Variants in SNRK observed in about 807,000 individuals in gnomAD.
SNRK encodes SNF-related serine/threonine-protein kinase.
A neutral mutation model predicts 48.2 loss-of-function variants in SNRK; 3 were observed. That is an observed-to-expected ratio of 0.06 (90% CI 0.03 to 0.16). SNRK has a LOEUF of 0.16. Ranked by LOEUF, SNRK falls within the 10% of genes least tolerant of loss-of-function variation. The probability of loss-of-function intolerance (pLI) is 1.00; values close to 1 mark genes in which losing one functional copy is unlikely to be tolerated. For synonymous variants in SNRK, 376 were observed against 366.1 expected, an observed-to-expected ratio of 1.03 and a Z score of -0.31; for missense variants, 627 against 976.0, an observed-to-expected ratio of 0.64 and a Z score of 4.76.
chr3:43,342,621 TG>T (rs764623218), intron 5 of SNRK, among the ~76,000 whole-genome samples: 1 of 152,196 alleles, frequency 6.6e-6, no homozygotes, highest in Non-Finnish European at 1.5e-5. Flanking sequence ...TTCCTGGCCT[TG>T]TGGAATCCGC....
intron 3 of SNRK, among the ~76,000 whole-genome samples, chr3:43,323,913 CAG>C (rs1251263087): frequency 2.0e-5 from 3 of 152,106 alleles, no homozygotes; most frequent in Non-Finnish European, 4.4e-5. Flanking sequence ...CTGTGGTTGT[CAG>C]GGGCTGGGCT....
chr3:43,293,871 A>G (rs1440412172), intron 1 of SNRK, among the ~76,000 whole-genome samples: 1 of 152,004 alleles, frequency 6.6e-6, no homozygotes, highest in African/African-American at 2.4e-5. Context: ...TTGAGCCAAG[A>G]TTGTGCCACT....
In SNRK at chr3:43,348,824, T is replaced by C. The variant is rs1380380252; in HGVS notation, c.*267T>C. 1 of 322,598 alleles carries C rather than the reference T, an allele frequency of 3.1e-6. No homozygotes were observed. The highest frequency in any genetic ancestry group is 2.1e-5 in the African/African-American group (1 of 46,928). 20.0% of individuals were successfully genotyped at this position (322,598 alleles called of 1,614,324 possible). On this transcript the variant is annotated 3_prime_UTR_variant, in exon 7 of 7. Coordinates refer to ENST00000296088, the MANE Select transcript of SNRK (RefSeq NM_017719.5). Reference sequence around the variant, plus strand: ...GATCAGGATTAAATCAAGATATATATCTGGAACCTCTTATAAATGGAGCAC... The same window carrying C: ...GATCAGGATTAAATCAAGATATATACCTGGAACCTCTTATAAATGGAGCAC...
chr3:43,313,474 TA>T (rs1178783314), intron 3 of SNRK, among the ~76,000 whole-genome samples: 1 of 152,194 alleles, frequency 6.6e-6, no homozygotes, highest in Non-Finnish European at 1.5e-5. Context: ...ATTCCATTTA[TA>T]AAATTCTCTT....
In SNRK at chr3:43,303,521, A is replaced by G; in HGVS notation, c.318A>G (p.Lys106=). 1 of 1,614,148 alleles carries G rather than the reference A, an allele frequency of 6.2e-7. No homozygotes were observed. Among genetic ancestry groups the G allele is most frequent in the East Asian group, 2.2e-5 (1 of 44,890 alleles). The part of the protein sequence containing the change: ...DGGDMFDYIM[K]HEEGLNEDLA... Reference sequence around the variant, plus strand: ...GAGATATGTTTGATTATATAATGAAACATGAGGAGGGTCTTAATGAAGACT... The same window carrying G: ...GAGATATGTTTGATTATATAATGAAGCATGAGGAGGGTCTTAATGAAGACT... The change falls in exon 3 of 7, where the codon AAA becomes AAG. Residue 106 remains lysine (K), a synonymous_variant. Transcript: ENST00000296088. This position sits in a 1 kb window ranked among gnomAD's most constrained non-coding sequence, Gnocchi z 6.2.
chr3:43,324,280 CGGGTG>C (rs1357805099), intron 3 of SNRK, among the ~76,000 whole-genome samples: 2 of 152,080 alleles, frequency 1.3e-5, no homozygotes, highest in African/African-American at 4.8e-5. Flanking sequence ...GAGGCCAAGG[CGGGTG>C]GATCACAAGG....
intron 3 of SNRK, among the ~76,000 whole-genome samples, chr3:43,330,569 G>A (rs542587198): frequency 1.3e-5 from 2 of 152,242 alleles, no homozygotes; most frequent in East Asian, 3.9e-4. Flanking sequence ...GTACTACTTC[G>A]ACTGGGGTTA....
At chr3:43,333,625 C>T (rs753211155) in intron 4 of SNRK, among the ~76,000 whole-genome samples, 2 of 151,992 alleles carry the variant, frequency 1.3e-5, no homozygotes, top group Admixed American at 6.6e-5. Context: ...TGGGGGCATA[C>T]GTTGTCTGCA....
chr3:43,342,388 T>G (rs956433232), intron 5 of SNRK, among the ~76,000 whole-genome samples: 1 of 152,166 alleles, frequency 6.6e-6, no homozygotes, highest in African/African-American at 2.4e-5. Context: ...CCAAGCCAAC[T>G]CCTGTATTTA....
Position 43,348,588 on chromosome 3 carries a change from C to A in SNRK, c.*31C>A, listed in dbSNP as rs764386751. On this transcript the variant is annotated 3_prime_UTR_variant, in exon 7 of 7. Coordinates refer to ENST00000296088, the MANE Select transcript of SNRK (RefSeq NM_017719.5). Reference sequence around the variant, plus strand: ...GCCCCATCTGGCCGCTAGCACGCTTCCTGCTCAGAGCAGTGAAGACCGGCT... The same window carrying A: ...GCCCCATCTGGCCGCTAGCACGCTTACTGCTCAGAGCAGTGAAGACCGGCT... 3.3e-6 allele frequency: 5 copies of A among 1,507,666 alleles called. No homozygotes were observed. The South Asian group carries it at 6.8e-5, about 20-fold the overall frequency. The allele number at this position is 1,507,666 out of a possible 1,614,324, so 93.4% of individuals were successfully genotyped here.
chr3:43,341,583 A>C (rs2091238329), intron 5 of SNRK, among the ~76,000 whole-genome samples: 1 of 152,268 alleles, frequency 6.6e-6, no homozygotes, highest in South Asian at 2.1e-4. Context: ...TCCACAAATT[A>C]AAGGTCAGAA....
rs565754492 is a variant in SNRK, at chr3:43,336,774, C to T, written c.732-3513C>T. The stretch of plus-strand genomic sequence containing the variant: ...GTTTTGGTTTTGGTTTTTTTCGAGA[C>T]GGAGTCTCGCTCTGTTGCCCAGGCC... On this transcript the variant is annotated intron_variant, in intron 4 of 6. Coordinates refer to ENST00000296088, the MANE Select transcript of SNRK (RefSeq NM_017719.5). Among the ~76,000 whole-genome samples the T allele has an allele frequency of 7.9e-5, 9 of 114,372 alleles. No individual in the cohort carries two copies. The East Asian group carries it at 1.0e-3, about 13-fold the overall frequency. The allele number at this position is 114,372 out of a possible 152,430, so 75.0% of individuals were successfully genotyped here. A position where few individuals can be genotyped will look rare whatever the true frequency, so the allele number is the denominator to read the frequency against.
chr3:43,313,381 A>G (rs1159766288), intron 3 of SNRK, among the ~76,000 whole-genome samples: 1 of 152,238 alleles, frequency 6.6e-6, no homozygotes, highest in Non-Finnish European at 1.5e-5. Context: ...CTATGCAGCA[A>G]TAAAAAGGAA....
chr3:43,289,961 C>G (rs967234533), intron 1 of SNRK, among the ~76,000 whole-genome samples: 11 of 152,228 alleles, frequency 7.2e-5, no homozygotes, highest in Non-Finnish European at 1.5e-5. Context: ...AAGATTAGGT[C>G]TATCTGCACA....
chr3:43,313,426 A>AG (rs1284307775), intron 3 of SNRK, among the ~76,000 whole-genome samples: 1 of 152,234 alleles, frequency 6.6e-6, no homozygotes, highest in East Asian at 1.9e-4. Context: ...ATGGATTTCA[A>AG]GGGGCAACAA....
At chr3:43,344,855 C>T (rs2091263512) in intron 6 of SNRK, among the ~76,000 whole-genome samples, 3 of 151,900 alleles carry the variant, frequency 2.0e-5, no homozygotes, top group Non-Finnish European at 2.9e-5. Flanking sequence ...CCAGGTGCAC[C>T]GAGACTGGAG....
At chr3:43,344,448 T>G (rs2091259672) in intron 6 of SNRK, among the ~76,000 whole-genome samples, 1 of 152,152 alleles carries the variant, frequency 6.6e-6, no homozygotes, top group Non-Finnish European at 1.5e-5. Flanking sequence ...TGAATATTAT[T>G]GTGAATAATA....
intron 4 of SNRK, among the ~76,000 whole-genome samples, chr3:43,337,063 T>C (rs1457757781): frequency 6.6e-6 from 1 of 151,600 alleles, no homozygotes; most frequent in Non-Finnish European, 1.5e-5. Context: ...AATATACATG[T>C]TTTTATACCT....
intron 1 of SNRK, among the ~76,000 whole-genome samples, chr3:43,296,434 G>A (rs6767788): frequency 5.4e-3 from 155 of 28,880 alleles, no homozygotes; most frequent in East Asian, 0.015. Flanking sequence ...ATATATATAT[G>A]TATATATATA....
Sources: gnomAD v4.1 joint callset for allele counts (sites outside exome capture counted in the v4.1 genomes callset) on GRCh38, gnomAD v4.1.1 for gene constraint, Gnocchi (gnomAD v3.1) non-coding constraint, MANE v1.5 for transcripts, NCBI Gene and HGNC (gene_info 2026-07-23, HGNC 2026-07-21) for gene names.